The following IQSEC1 variants were observed in gnomAD, a reference collection of about 807,000 sequenced individuals.
IQSEC1 encodes IQ motif and Sec7 domain ArfGEF 1, also known as IQ motif and SEC7 domain-containing protein 1.
Under a neutral mutation model 91.0 loss-of-function variants are expected in IQSEC1, and 31 were observed. The ratio of observed to expected loss-of-function variants is 0.34; its 90% confidence interval spans 0.26 to 0.46. The LOEUF (loss-of-function observed/expected upper bound fraction) is 0.46, where lower values mean the gene tolerates loss of function less well. Among genes scored for constraint, IQSEC1 ranks in the 20% least tolerant of loss-of-function variants. The probability of loss-of-function intolerance (pLI) is 1.00; values close to 1 mark genes in which losing one functional copy is unlikely to be tolerated. For missense variants in IQSEC1, 1,388 were observed against 1,575.6 expected, an observed-to-expected ratio of 0.88 and a Z score of 2.02; for synonymous variants, 699 against 662.6, an observed-to-expected ratio of 1.05 and a Z score of -0.84.
chr3:12,955,357 G>A (rs1699836142), intron 1 of IQSEC1, among the ~76,000 whole-genome samples: 1 of 152,242 alleles, frequency 6.6e-6, no homozygotes, highest in African/African-American at 2.4e-5. Flanking sequence ...CATTGGCGGA[G>A]CCTCAGAAAG....
intron 1 of IQSEC1, among the ~76,000 whole-genome samples, chr3:13,249,683 T>C (rs747868186): frequency 1.3e-5 from 2 of 152,120 alleles, no homozygotes; most frequent in African/African-American, 2.4e-5. Context: ...TCTCTGGGTC[T>C]CGGTCTCCTC....
chr3:12,947,301 C>T (rs1048685735), intron 1 of IQSEC1, among the ~76,000 whole-genome samples: 2 of 152,156 alleles, frequency 1.3e-5, no homozygotes, highest in East Asian at 3.8e-4. Flanking sequence ...GGTGTGCAAG[C>T]TGCGGCAGGT....
intron 2 of IQSEC1, among the ~76,000 whole-genome samples, chr3:13,082,986 T>C (rs56782021): frequency 0.019 from 2,944 of 152,268 alleles, 107 homozygotes; most frequent in African/African-American, 0.066. Flanking sequence ...GCAGAGTGTC[T>C]ATTCCTGCCC....
At position 12,909,983 on chromosome 3, in the gene IQSEC1, G is replaced by A. The variant is rs909693490; in HGVS notation, c.2417-549C>T. Among the ~76,000 whole-genome samples the A allele has an allele frequency of 1.9e-4, 29 of 152,232 alleles. No homozygotes were observed. Among genetic ancestry groups the A allele is most frequent in the African/African-American group, 5.8e-4 (24 of 41,470 alleles). ...GGATGTTTGAAGGTTCTTGGACCAAGTACCAATCCCACCTTGGCTCAGACC... is the reference window on the plus strand; with the variant it reads ...GGATGTTTGAAGGTTCTTGGACCAAATACCAATCCCACCTTGGCTCAGACC... On this transcript the variant is annotated intron_variant, in intron 10 of 13. Coordinates refer to ENST00000613206, the MANE Select transcript of IQSEC1 (RefSeq NM_001134382.3). This position sits in a 1 kb window ranked among gnomAD's most constrained non-coding sequence, Gnocchi z 4.9.
At chr3:13,229,528 G>A (rs1180099007) in intron 1 of IQSEC1, among the ~76,000 whole-genome samples, 2 of 152,240 alleles carry the variant, frequency 1.3e-5, no homozygotes, top group African/African-American at 4.8e-5. Flanking sequence ...GGGACTGACT[G>A]TCACACGAGT....
intron 1 of IQSEC1, among the ~76,000 whole-genome samples, chr3:12,949,828 C>T (rs1251434806): frequency 4.6e-5 from 7 of 152,150 alleles, no homozygotes; most frequent in Non-Finnish European, 5.9e-5. Context: ...GAGAGGTGGC[C>T]GCCACCCCTG....
Position 12,935,667 on chromosome 3 carries a change from T to A in IQSEC1, c.1349A>T (p.Asp450Val). The change falls in exon 3 of 14, where the codon GAC (aspartate) becomes GTC (valine). Residue 450 changes from aspartate (D) to valine (V), a missense_variant. Around this residue, in one of 2 missense-constraint regions of IQSEC1, gnomAD observed 1,059 missense variants for 1,317.8 expected, o/e 0.80. Coordinates refer to ENST00000613206, the MANE Select transcript of IQSEC1 (RefSeq NM_001134382.3). This position sits in a 1 kb window ranked among gnomAD's most constrained non-coding sequence, Gnocchi z 8.0. Reference sequence around the variant, plus strand: ...GCTGTCATTGTCACCGTCTGAGTAGTCCGACTCAGACTTGCTCTGCCGGTT... The same window carrying A: ...GCTGTCATTGTCACCGTCTGAGTAGACCGACTCAGACTTGCTCTGCCGGTT... ...SANRQSKSES[D>V]YSDGDNDSIN... The A allele has an allele frequency of 6.2e-7, 1 of 1,613,882 alleles. No individual in the cohort carries two copies. The highest frequency in any genetic ancestry group is 8.5e-7 in the Non-Finnish European group (1 of 1,179,956).
chr3:13,187,218 C>A (rs1457007907), intron 1 of IQSEC1, among the ~76,000 whole-genome samples: 1 of 152,178 alleles, frequency 6.6e-6, no homozygotes, highest in Non-Finnish European at 1.5e-5. Context: ...ATGCACCAAG[C>A]CCCTCAAGGA....
intron 1 of IQSEC1, among the ~76,000 whole-genome samples, chr3:13,045,749 G>A (rs1704471249): frequency 6.6e-6 from 1 of 152,248 alleles, no homozygotes; most frequent in African/African-American, 2.4e-5. Flanking sequence ...CCGTGGCATG[G>A]GTGGGTGGTG....
At chr3:12,921,067 G>A (rs1261518240) in intron 5 of IQSEC1, among the ~76,000 whole-genome samples, 1 of 152,110 alleles carries the variant, frequency 6.6e-6, no homozygotes, top group Non-Finnish European at 1.5e-5. Context: ...GCTACTGAGG[G>A]GCCTCAGGTT....
At chr3:13,127,254 A>C (rs1010241132) in intron 2 of IQSEC1, among the ~76,000 whole-genome samples, 1 of 152,080 alleles carries the variant, frequency 6.6e-6, no homozygotes, top group Non-Finnish European at 1.5e-5. Context: ...CTCTACTAAA[A>C]ATAAAAAAAA....
intron 1 of IQSEC1, among the ~76,000 whole-genome samples, chr3:13,067,358 C>T (rs918494482): frequency 7.9e-5 from 12 of 152,220 alleles, no homozygotes; most frequent in African/African-American, 2.2e-4. Context: ...CCAGGAGCAA[C>T]GCCTCCTAAG....
At chr3:13,267,952 C>A (rs933818784) in intron 1 of IQSEC1, among the ~76,000 whole-genome samples, 4 of 152,148 alleles carry the variant, frequency 2.6e-5, no homozygotes, top group Admixed American at 6.5e-5. Context: ...AAGGCTGTGC[C>A]CCCCCTTAAC....
chr3:12,950,272 G>A (rs1559663303), intron 1 of IQSEC1, among the ~76,000 whole-genome samples: 1 of 152,228 alleles, frequency 6.6e-6, no homozygotes, highest in Admixed American at 6.5e-5. Context: ...ATTCTGGAAT[G>A]TTCTCGGGAC....
At chr3:13,135,983 C>T (rs574937443) in intron 2 of IQSEC1, among the ~76,000 whole-genome samples, 3 of 152,330 alleles carry the variant, frequency 2.0e-5, no homozygotes, top group African/African-American at 7.2e-5. Flanking sequence ...GACTCTGCTG[C>T]GTGGGACAGT....
In IQSEC1 at chr3:12,899,379, G is replaced by A. The variant is rs1434131706; in HGVS notation, c.*1604C>T. 3.7e-6 allele frequency: 6 copies of A among 1,612,748 alleles called. No homozygotes were observed. Among genetic ancestry groups the A allele is most frequent in the African/African-American group, 2.7e-5 (2 of 74,942 alleles). On this transcript the variant is annotated 3_prime_UTR_variant, in exon 14 of 14. Coordinates refer to ENST00000613206, the MANE Select transcript of IQSEC1 (RefSeq NM_001134382.3). The stretch of plus-strand genomic sequence containing the variant: ...GGCAGGCGCCGGGGGGCAGTCCTCG[G>A]GTCCCATGGCTTAGGAGCACAGCAC...
At chr3:13,249,291 C>G (rs1485192246) in intron 1 of IQSEC1, among the ~76,000 whole-genome samples, 4 of 150,946 alleles carry the variant, frequency 2.6e-5, no homozygotes, top group Admixed American at 1.3e-4. Context: ...CCTGCCTTAG[C>G]CTCCTGAGTA....
At position 13,243,743 on chromosome 3, in the gene IQSEC1, A is replaced by G. The variant is rs115740533; in HGVS notation, c.272+38968T>C. ...CCCGCACATGCCTCTCTGGTCTCAC[A>G]TGCAGAAGCATCTGCATGTGCAGTT... On this transcript the variant is annotated intron_variant, in intron 1 of 15. Transcript: ENST00000648114. 2.7e-3 allele frequency among the ~76,000 whole-genome samples: 408 copies of G among 151,066 alleles called. 3 individuals carry two copies. The highest frequency in any genetic ancestry group is 8.7e-3 in the African/African-American group (360 of 41,370).
At chr3:12,996,627 T>A (rs147920695) in intron 1 of IQSEC1, among the ~76,000 whole-genome samples, 9 of 151,636 alleles carry the variant, frequency 5.9e-5, no homozygotes, top group Admixed American at 3.9e-4. Flanking sequence ...TGAAAAAAAA[T>A]GTCTGCTGCA....
Sources: allele counts gnomAD v4.1 joint callset (sites outside exome capture counted in the v4.1 genomes callset), GRCh38; gene constraint gnomAD v4.1.1; regional missense constraint gnomAD v4.1.1; non-coding constraint Gnocchi (gnomAD v3.1); transcripts MANE v1.5; gene names NCBI Gene and HGNC (gene_info 2026-07-23, HGNC 2026-07-21).